Variants in CEP57L1 observed in about 807,000 individuals in gnomAD.
CEP57L1 encodes the protein centrosomal protein CEP57L1.
A neutral mutation model predicts 61.0 loss-of-function variants in CEP57L1; 37 were observed. The observed-to-expected ratio is 0.61, with a 90% CI of 0.47 to 0.80. CEP57L1 has a LOEUF of 0.80. CEP57L1 is among the 30% of genes least tolerant of loss of function. The pLI, the probability that CEP57L1 is intolerant of heterozygous loss-of-function variation, is 0.00. For synonymous variants in CEP57L1, 137 were observed against 162.3 expected (o/e 0.84, Z 1.19); for missense variants, 422 against 524.7 (o/e 0.80, Z 1.91).
intron 1 of CEP57L1, among the ~76,000 whole-genome samples, chr6:109,117,393 G>C (rs1198268394): frequency 1.3e-5 from 2 of 152,142 alleles, no homozygotes; most frequent in East Asian, 3.8e-4. Flanking sequence ...GTTTTTAATT[G>C]AAGGATGAAA....
intron 1 of CEP57L1, among the ~76,000 whole-genome samples, chr6:109,127,777 C>T (rs541332949): frequency 4.6e-5 from 7 of 151,600 alleles, no homozygotes; most frequent in South Asian, 2.1e-4. Context: ...CGTGCCACCA[C>T]GCCTGGCTAA....
At position 109,121,691 on chromosome 6, in the gene CEP57L1, AT is replaced by A. The variant is rs374825010; in HGVS notation, c.-3-23525del. Among the ~76,000 whole-genome samples the A allele has an allele frequency of 7.2e-3, 1,089 of 152,264 alleles. 11 individuals carry two copies. Among genetic ancestry groups the A allele is most frequent in the African/African-American group, 0.025 (1,022 of 41,554 alleles). ...TATCAAAATCCCAGAGTGTGGAAGC[AT>A]TTACATAGACTCTAGGGTACAGGTA... On this transcript the variant is annotated intron_variant, in intron 1 of 10. Coordinates refer to ENST00000517392, the MANE Select transcript of CEP57L1 (RefSeq NM_001271852.3).
chr6:109,167,806 G>A lies in CEP57L1; in HGVS notation c.*4836G>A, dbSNP rs1353935366. On this transcript the variant is annotated 3_prime_UTR_variant, in exon 11 of 11. Coordinates refer to ENST00000517392, the MANE Select transcript of CEP57L1 (RefSeq NM_001271852.3). The stretch of plus-strand genomic sequence containing the variant: ...GCTTTCTTTGATACTATGCTAAGAG[G>A]AAGAGGTTTGAGAGCCAAGAGTTCT... Among the ~76,000 whole-genome samples the A allele has an allele frequency of 6.6e-6, 1 of 152,238 alleles. No individual in the cohort carries two copies. Among genetic ancestry groups the A allele is most frequent in the Non-Finnish European group, 1.5e-5 (1 of 68,040 alleles).
chr6:109,100,589 C>T (rs925951091), intron 1 of CEP57L1, among the ~76,000 whole-genome samples: 4 of 147,350 alleles, frequency 2.7e-5, no homozygotes, highest in East Asian at 2.0e-4. Context: ...GCAGGAGAAT[C>T]GCTTGAACCC....
intron 1 of CEP57L1, among the ~76,000 whole-genome samples, chr6:109,108,215 C>T (rs183841514): frequency 1.3e-5 from 2 of 150,678 alleles, no homozygotes; most frequent in Admixed American, 6.6e-5. Context: ...ATAAGGACTA[C>T]AATATTTAAT....
At chr6:109,119,234 T>G (rs1772665915) in intron 1 of CEP57L1, among the ~76,000 whole-genome samples, 1 of 152,150 alleles carries the variant, frequency 6.6e-6, no homozygotes, top group Non-Finnish European at 1.5e-5. Context: ...TTTGAAGCAT[T>G]GAAGTAACAT....
intron 1 of CEP57L1, among the ~76,000 whole-genome samples, chr6:109,119,913 C>CA (rs1712544400): frequency 6.6e-6 from 1 of 151,988 alleles, no homozygotes; most frequent in Non-Finnish European, 1.5e-5. Flanking sequence ...TTTGATAGTT[C>CA]AAAAAAGATT....
chr6:109,135,499 CA>C (rs1401710892), intron 1 of CEP57L1, among the ~76,000 whole-genome samples: 6 of 152,186 alleles, frequency 3.9e-5, no homozygotes, highest in Non-Finnish European at 5.9e-5. Flanking sequence ...AGGACATAGG[CA>C]TGGGCAAGGA....
intron 1 of CEP57L1, among the ~76,000 whole-genome samples, chr6:109,142,601 AAAAT>A (rs969592516): frequency 4.6e-4 from 70 of 151,060 alleles, no homozygotes; most frequent in Middle Eastern, 3.4e-3. Context: ...AAATAAAGAA[AAAAT>A]AAATAAAAAT....
intron 1 of CEP57L1, chr6:109,100,232 A>T (rs1455736494): frequency 1.3e-5 from 2 of 152,212 alleles, no homozygotes; most frequent in African/African-American, 4.8e-5. Flanking sequence ...GTGTGACGCA[A>T]GAATAAAGGA....
chr6:109,145,460 AT>A, intron 2 of CEP57L1, 79 bp downstream of exon 2: 1 of 964,274 alleles, frequency 1.0e-6, no homozygotes, highest in Non-Finnish European at 1.5e-6. Context: ...ATACAATATG[AT>A]TGCATATTTA....
At chr6:109,096,893 A>G (rs1030454423) in intron 1 of CEP57L1, among the ~76,000 whole-genome samples, 7 of 152,194 alleles carry the variant, frequency 4.6e-5, no homozygotes, top group African/African-American at 1.7e-4. Flanking sequence ...GATCTCATGT[A>G]TACCCATGGC....
intron 9 of CEP57L1, 56 bp downstream of exon 9, chr6:109,159,518 A>AG: frequency 6.5e-7 from 1 of 1,528,026 alleles, no homozygotes; most frequent in Non-Finnish European, 8.9e-7. Context: ...TATGTTGCCC[A>AG]GGCTAGTCTT....
In CEP57L1 at chr6:109,102,989, A is replaced by C. The variant is rs151243742; in HGVS notation, c.-4+7414A>C. Among the ~76,000 whole-genome samples, 38 of 152,312 alleles carry C rather than the reference A, an allele frequency of 2.5e-4. 2 individuals are homozygous for C. In the East Asian group the frequency reaches 6.7e-3, roughly 27 times the overall value. On this transcript the variant is annotated intron_variant, in intron 1 of 10. Coordinates refer to ENST00000517392, the MANE Select transcript of CEP57L1 (RefSeq NM_001271852.3). ...GAAAATTGTTAGGAAGACTTTCTAC[A>C]ATTAAGAATATTATTCTCCAATTGA... is the stretch of plus-strand genomic sequence containing the variant.
intron 3 of CEP57L1, among the ~76,000 whole-genome samples, chr6:109,147,914 T>C (rs910625642): frequency 3.9e-5 from 6 of 152,170 alleles, no homozygotes; most frequent in Non-Finnish European, 7.4e-5. Context: ...GAGGAGACAA[T>C]ATTAAACCAG....
At chr6:109,158,983 A>C (rs1414139519) in intron 7 of CEP57L1, 42 bp from the exon 8 acceptor site, 2 of 1,566,522 alleles carry the variant, frequency 1.3e-6, no homozygotes, top group African/African-American at 2.8e-5. Context: ...AATAACTTTT[A>C]AAATAATTTC....
intron 1 of CEP57L1, among the ~76,000 whole-genome samples, chr6:109,100,627 A>G (rs559763137): frequency 7.1e-6 from 1 of 141,280 alleles, no homozygotes; most frequent in Non-Finnish European, 1.5e-5. Flanking sequence ...GTGAGCTGAG[A>G]TCGTTCCATT....
At position 109,144,278 on chromosome 6, in the gene CEP57L1, G is replaced by A. The variant is rs1771729529; in HGVS notation, c.-3-941G>A. Reference sequence around the variant, plus strand: ...TGCCTGCCTTTGCCTTGTGAATTGAGGAGGTGGTGAAATCATGGAAAATGT... The same window carrying A: ...TGCCTGCCTTTGCCTTGTGAATTGAAGAGGTGGTGAAATCATGGAAAATGT... On this transcript the variant is annotated intron_variant, in intron 1 of 10. Coordinates refer to ENST00000517392, the MANE Select transcript of CEP57L1 (RefSeq NM_001271852.3). 2.0e-5 allele frequency among the ~76,000 whole-genome samples: 3 copies of A among 151,924 alleles called. No individual in the cohort carries two copies. In the South Asian group the frequency reaches 6.2e-4, roughly 32 times the overall value.
chr6:109,162,911 A>C lies in CEP57L1; in HGVS notation c.1324A>C (p.Ile442Leu). Residue 442 changes from isoleucine (I) to leucine (L), a missense_variant, in exon 11 of 11, where the codon ATA (isoleucine) becomes CTA (leucine). Coordinates refer to ENST00000517392, the MANE Select transcript of CEP57L1 (RefSeq NM_001271852.3). ...LFQKNSSFHP[I>L]RVHNLQMKLR... ...TCAGAAAAACAGCAGCTTTCATCCA[A>C]TACGAGTTCATAATCTTCAAATGAA... is the stretch of plus-strand genomic sequence containing the variant. 1 of 1,613,240 alleles carries C rather than the reference A, an allele frequency of 6.2e-7. No homozygotes were observed. Among genetic ancestry groups the C allele is most frequent in the Non-Finnish European group, 8.5e-7 (1 of 1,179,432 alleles).
Sources: gnomAD v4.1 joint callset for allele counts (sites outside exome capture counted in the v4.1 genomes callset) on GRCh38, gnomAD v4.1.1 for gene constraint, MANE v1.5 for transcripts, NCBI Gene and HGNC (gene_info 2026-07-23, HGNC 2026-07-21) for gene names.